The following RBPJ variants were observed in gnomAD, a reference collection of about 807,000 sequenced individuals.
The protein encoded by RBPJ is recombining binding protein suppressor of hairless.
RBPJ carries 9 observed loss-of-function variants against 67.8 expected under a neutral mutation model. The ratio of observed to expected loss-of-function variants is 0.13; its 90% CI spans 0.08 to 0.23. RBPJ has a LOEUF of 0.23. RBPJ is among the 10% of genes least tolerant of loss of function. RBPJ has a pLI of 1.00. For synonymous variants in RBPJ, 198 were observed against 203.3 expected, an observed-to-expected ratio of 0.97 and a Z score of 0.22; for missense variants, 305 against 595.6, an observed-to-expected ratio of 0.51 and a Z score of 5.08.
upstream of RBPJ, chr4:26,320,013 T>TGGCACAGCCGAGGA: frequency 2.5e-6 from 2 of 807,726 alleles, no homozygotes; most frequent in Non-Finnish European, 4.0e-6. Context: ...GGCAGCGTCC[T>TGGCACAGCCGAGGA]CGGCTGTGCC....
At chr4:26,346,702 G>T (rs543292906) in intron 1 of RBPJ, among the ~76,000 whole-genome samples, 7 of 152,116 alleles carry the variant, frequency 4.6e-5, no homozygotes, top group Non-Finnish European at 1.0e-4. Flanking sequence ...AAAACAGGCT[G>T]TATTGGCCGG....
chr4:26,108,409 A>G, the RBPJ span, among the ~76,000 whole-genome samples: 2 of 152,220 alleles, frequency 1.3e-5, no homozygotes, highest in Non-Finnish European at 2.9e-5. Flanking sequence ...GGTGCATTCC[A>G]TGATGTCAAA....
chr4:26,143,990 A>G, the RBPJ span, among the ~76,000 whole-genome samples: 106 of 152,324 alleles, frequency 7.0e-4, no homozygotes, highest in Non-Finnish European at 1.4e-3. Flanking sequence ...CAGTCAAAAG[A>G]CATTATTGTA....
chr4:26,407,749 C>T (rs909918362), intron 3 of RBPJ, among the ~76,000 whole-genome samples: 1 of 151,890 alleles, frequency 6.6e-6, no homozygotes, highest in Non-Finnish European at 1.5e-5. Context: ...ATAAAGGAAA[C>T]CTCAGCTTAT....
chr4:26,406,285 C>G lies in RBPJ; in HGVS notation c.155+15C>G, dbSNP rs1733402187. The G allele has an allele frequency of 7.3e-6, 11 of 1,517,200 alleles. No homozygotes were observed. The East Asian group carries it at 2.5e-4, about 34-fold the overall frequency. The allele number at this position is 1,517,200 out of a possible 1,614,324, so 94.0% of individuals were successfully genotyped here. On this transcript the variant is annotated intron_variant, in intron 3 of 10. Transcript: ENST00000355476. ...AATGAAAAAAGGTAAGATTATTTTT[C>G]TGGTGGATAGTTAATTGTAGTTACC...
At chr4:26,364,238 T>G (rs7669953) in intron 1 of RBPJ, among the ~76,000 whole-genome samples, 3,756 of 152,320 alleles carry the variant, frequency 0.025, 170 homozygotes, top group African/African-American at 0.085. Flanking sequence ...CTTAATGGAA[T>G]TTAGTTGTTA....
At chr4:26,251,970 T>A (rs1720130280) in intron 1 of RBPJ, among the ~76,000 whole-genome samples, 1 of 152,070 alleles carries the variant, frequency 6.6e-6, no homozygotes, top group Non-Finnish European at 1.5e-5. Context: ...ACTATAATGA[T>A]GTGAACACCA....
rs1335377808 is a variant in RBPJ, at chr4:26,326,465, G to A, written c.20+5417G>A. ...TTTTTAACTGTTTTCAGTACTAGAT[G>A]GCTAGGGATGTATGTTAGATTAAAC... On this transcript the variant is annotated intron_variant, in intron 1 of 10. Coordinates refer to ENST00000355476, the MANE Select transcript of RBPJ (RefSeq NM_015874.6). Among the ~76,000 whole-genome samples, 9 of 152,034 alleles carry A rather than the reference G, an allele frequency of 5.9e-5. 1 individual carries two copies.
intron 1 of RBPJ, among the ~76,000 whole-genome samples, chr4:26,229,724 T>A (rs1719209384): frequency 6.6e-6 from 1 of 152,102 alleles, no homozygotes; most frequent in Non-Finnish European, 1.5e-5. Context: ...ATAGTTCCAA[T>A]GTTTATGGGT....
chr4:26,301,389 G>A (rs1722070535), intron 1 of RBPJ, among the ~76,000 whole-genome samples: 7 of 152,012 alleles, frequency 4.6e-5, no homozygotes, highest in Admixed American at 4.6e-4. Flanking sequence ...TCAGGAGATC[G>A]AGACCATCTT....
At chr4:26,113,311 T>A in the RBPJ span, 1 of 470,448 alleles carries the variant, frequency 2.1e-6, no homozygotes, top group Non-Finnish European at 4.2e-6. Context: ...TGAGTGAGGA[T>A]AAATAAACCT....
At chr4:26,251,806 C>T (rs1720119599) in intron 1 of RBPJ, among the ~76,000 whole-genome samples, 1 of 142,710 alleles carries the variant, frequency 7.0e-6, no homozygotes. Flanking sequence ...CAAGATTGTG[C>T]CGTTGCCCTC....
intron 1 of RBPJ, among the ~76,000 whole-genome samples, chr4:26,240,551 C>T (rs555750035): frequency 1.1e-3 from 160 of 152,182 alleles, no homozygotes; most frequent in African/African-American, 3.3e-3. Flanking sequence ...TAGGGAAGGA[C>T]GTATTTAAGA....
chr4:26,354,131 C>T (rs1331269197), intron 1 of RBPJ, among the ~76,000 whole-genome samples: 3 of 151,198 alleles, frequency 2.0e-5, no homozygotes, highest in Non-Finnish European at 2.9e-5. Flanking sequence ...CGGGGTTTCA[C>T]CATGTTAGCC....
intron 3 of RBPJ, among the ~76,000 whole-genome samples, chr4:26,415,159 C>G (rs188543126): frequency 1.3e-5 from 2 of 152,204 alleles, no homozygotes; most frequent in Admixed American, 6.5e-5. Flanking sequence ...TTAGAGTACA[C>G]TGGATTTGCT....
At chr4:26,322,900 A>G (rs1413204391) in intron 1 of RBPJ, 1 of 151,662 alleles carries the variant, frequency 6.6e-6, no homozygotes, top group African/African-American at 2.4e-5. Context: ...TGCTGAAGGT[A>G]TTCTTCAAGA....
chr4:26,355,515 G>T (rs1219517855), intron 1 of RBPJ, among the ~76,000 whole-genome samples: 10 of 151,330 alleles, frequency 6.6e-5, no homozygotes, highest in African/African-American at 2.2e-4. Flanking sequence ...TGGGTGTGGG[G>T]GTGCATGTCT....
chr4:26,207,948 G>T (rs1718227732), intron 1 of RBPJ, among the ~76,000 whole-genome samples: 1 of 152,140 alleles, frequency 6.6e-6, no homozygotes, highest in Non-Finnish European at 1.5e-5. Context: ...TTTCCAGTTT[G>T]CCAAGAGCTT....
chr4:26,166,002 A>G (rs1364671586), intron 1 of RBPJ, among the ~76,000 whole-genome samples: 1 of 151,548 alleles, frequency 6.6e-6, no homozygotes, highest in Non-Finnish European at 1.5e-5. Context: ...TATACTGAGA[A>G]TGATGATTTC....
Sources: allele counts gnomAD v4.1 joint callset (sites outside exome capture counted in the v4.1 genomes callset), GRCh38; gene constraint gnomAD v4.1.1; transcripts MANE v1.5; gene names NCBI Gene and HGNC (gene_info 2026-07-23, HGNC 2026-07-21).